Variants in STK11 observed in about 807,000 individuals in gnomAD.
STK11 encodes serine/threonine-protein kinase STK11.
Under a neutral mutation model 47.3 loss-of-function variants are expected in STK11, and 8 were observed. The observed-to-expected ratio is 0.17, with a 90% CI of 0.10 to 0.31. The LOEUF (loss-of-function observed/expected upper bound fraction) is 0.31, where lower values mean the gene tolerates loss of function less well. STK11 is among the 10% of genes least tolerant of loss of function. The pLI is 1.00. For missense variants in STK11, 475 were observed against 605.0 expected, an observed-to-expected ratio of 0.79 and a Z score of 2.25; for synonymous variants, 330 against 255.8, an observed-to-expected ratio of 1.29 and a Z score of -2.77.
chr19:1,215,926 A>G lies in STK11; in HGVS notation c.291-2491A>G, dbSNP rs553644328. On this transcript the variant is annotated intron_variant, in intron 1 of 9. Transcript: ENST00000326873. ...TAATTTTTGTATTTTTAGTAGAGAC[A>G]AGGTTTCACCATGTTGGCCAGGCTG... 5.1e-4 allele frequency among the ~76,000 whole-genome samples: 77 copies of G among 151,866 alleles called. 1 individual carries two copies. The highest frequency in any genetic ancestry group is 1.6e-3 in the African/African-American group (67 of 41,418).
intron 8 of STK11, chr19:1,224,250 G>T: frequency 1.0e-6 from 1 of 985,382 alleles, no homozygotes; most frequent in Non-Finnish European, 1.2e-6. Flanking sequence ...GGCCCCCCAG[G>T]AGGGTACAGC....
At chr19:1,224,936 T>A (rs12985504) in intron 8 of STK11, 1 of 985,176 alleles carries the variant, frequency 1.0e-6, no homozygotes, top group African/African-American at 1.7e-5. Context: ...CCCCCTTGCG[T>A]TGGGGCAGGA....
At chr19:1,208,605 GC>G (rs2080686248) in intron 1 of STK11, among the ~76,000 whole-genome samples, 1 of 109,670 alleles carries the variant, frequency 9.1e-6, no homozygotes, top group Non-Finnish European at 1.7e-5. Context: ...AACGCGTGCG[GC>G]CTTTTTTTTT....
intron 1 of STK11, among the ~76,000 whole-genome samples, chr19:1,209,390 C>T (rs1054230495): frequency 3.3e-5 from 5 of 152,124 alleles, no homozygotes; most frequent in Middle Eastern, 6.8e-3. Context: ...CGAGACCAGC[C>T]TGGCCAACAT....
At chr19:1,224,497 A>G (rs941542534) in intron 8 of STK11, 21 of 985,282 alleles carry the variant, frequency 2.1e-5, no homozygotes, top group Non-Finnish European at 2.4e-5. Flanking sequence ...ACGGGCAGCC[A>G]GGCAAATCCC....
Position 1,221,249 on chromosome 19 carries a change from G to A in STK11, c.771G>A (p.Gly257=), listed in dbSNP as rs777998890. The A allele has an allele frequency of 8.1e-6, 13 of 1,612,560 alleles. No individual in the cohort carries two copies. The highest frequency in any genetic ancestry group is 1.0e-5 in the Non-Finnish European group (12 of 1,179,638). ...CCACGGGTCTGTACCCCTTCGAAGG[G>A]GACAACATCTACAAGTTGTTTGAGA... is the stretch of plus-strand genomic sequence containing the variant. The part of the protein sequence containing the change: ...NITTGLYPFE[G]DNIYKLFENI... Residue 257 remains glycine (G), a synonymous_variant, in exon 6 of 10, where the codon GGG becomes GGA. Coordinates refer to ENST00000326873, the MANE Select transcript of STK11 (RefSeq NM_000455.5).
intron 1 of STK11, among the ~76,000 whole-genome samples, chr19:1,212,990 CTTTT>C (rs35169539): frequency 2.0e-3 from 189 of 94,796 alleles, no homozygotes; most frequent in African/African-American, 7.0e-3. Context: ...TAAAGTTCAC[CTTTT>C]TTTTTTTTTT....
rs903030190 is a variant in STK11, at chr19:1,228,210, G to T, written c.*634G>T. On this transcript the variant is annotated 3_prime_UTR_variant, in exon 10 of 10. Coordinates refer to ENST00000326873, the MANE Select transcript of STK11 (RefSeq NM_000455.5). ...GTCACCCTGCTTTGGCGGCCCGGCCGGAGGGCAGGACCCTCACCTCTCCCC... is the reference window on the plus strand; with the variant it reads ...GTCACCCTGCTTTGGCGGCCCGGCCTGAGGGCAGGACCCTCACCTCTCCCC... 6.5e-6 allele frequency: 6 copies of T among 921,326 alleles called. No individual in the cohort carries two copies. In the Admixed American group the frequency reaches 2.2e-4, roughly 33 times the overall value. The allele number at this position is 921,326 out of a possible 1,614,324, so 57.1% of individuals were successfully genotyped here. A position where few individuals can be genotyped will look rare whatever the true frequency, so the allele number is the denominator to read the frequency against.
At chr19:1,207,656 T>G (rs1038415288) in intron 1 of STK11, among the ~76,000 whole-genome samples, 3 of 152,232 alleles carry the variant, frequency 2.0e-5, no homozygotes, top group African/African-American at 7.2e-5. Flanking sequence ...GAAATGTGAT[T>G]TGTTTATCCT....
intron 8 of STK11, chr19:1,225,196 T>A (rs1278621290): frequency 1.0e-6 from 1 of 985,092 alleles, no homozygotes; most frequent in African/African-American, 1.8e-5. Flanking sequence ...GTCCACAGGG[T>A]CTGCCCCACC....
intron 7 of STK11, 73 bp downstream of exon 7, chr19:1,222,079 C>T (rs1053416933): frequency 1.9e-5 from 29 of 1,517,194 alleles, no homozygotes; most frequent in Admixed American, 1.4e-4. Context: ...GTTGAGCGGG[C>T]GCTAGAGCAG....
At chr19:1,217,747 G>A (rs376764223) in intron 1 of STK11, among the ~76,000 whole-genome samples, 6 of 152,202 alleles carry the variant, frequency 3.9e-5, no homozygotes, top group South Asian at 4.1e-4. Flanking sequence ...CCTTGGCTGC[G>A]TGGGACTGTA....
intron 1 of STK11, among the ~76,000 whole-genome samples, chr19:1,214,912 G>A (rs2080735290): frequency 6.6e-6 from 1 of 152,192 alleles, no homozygotes; most frequent in Non-Finnish European, 1.5e-5. Context: ...AGGCTCTTGG[G>A]GCCTGTGCGT....
intron 5 of STK11, 57 bp downstream of exon 5, chr19:1,220,774 G>C (rs972016124): frequency 1.3e-6 from 2 of 1,545,740 alleles, no homozygotes; most frequent in Non-Finnish European, 1.8e-6. Context: ...GGGCCTCTGC[G>C]TCTTGGGCAG....
chr19:1,223,484 C>T (rs1218768662), intron 8 of STK11, among the ~76,000 whole-genome samples: 5 of 152,262 alleles, frequency 3.3e-5, no homozygotes, highest in Middle Eastern at 3.4e-3. Context: ...CAGGAGCAGG[C>T]GGGGGAGCCC....
chr19:1,209,864 C>CGGAGGCAG (rs1012944842), intron 1 of STK11, among the ~76,000 whole-genome samples: 23 of 152,028 alleles, frequency 1.5e-4, no homozygotes, highest in Admixed American at 3.9e-4. Context: ...GGAGGGAACA[C>CGGAGGCAG]GGAGGCAGGG....
intron 9 of STK11, chr19:1,227,088 G>C (rs1383331953): frequency 5.3e-6 from 1 of 187,122 alleles, no homozygotes; most frequent in Non-Finnish European, 1.1e-5. Flanking sequence ...TGGCTCTGCC[G>C]GGGTGCCGCA....
At chr19:1,213,218 C>T (rs959381983) in intron 1 of STK11, among the ~76,000 whole-genome samples, 7 of 151,558 alleles carry the variant, frequency 4.6e-5, no homozygotes, top group Admixed American at 1.3e-4. Context: ...AGGATGGTCT[C>T]GATCTCCTGA....
rs952738394 is a variant in STK11 at position 1,221,796 on chromosome 19, C to T, written c.863-153C>T. The T allele has an allele frequency of 2.5e-5, 20 of 798,066 alleles. No homozygotes were observed. In the African/African-American group the frequency reaches 3.1e-4, roughly 12 times the overall value. The allele number at this position is 798,066 out of a possible 1,614,324, so 49.4% of individuals were successfully genotyped here. ...CCGGCATGTCCCAGGAGTGGAGTGG[C>T]CTCTGTCAGGGAGACCGCCTGTGCG... On this transcript the variant is annotated intron_variant, in intron 6 of 9. Coordinates refer to ENST00000326873, the MANE Select transcript of STK11 (RefSeq NM_000455.5).
Sources: allele counts gnomAD v4.1 joint callset (sites outside exome capture counted in the v4.1 genomes callset), GRCh38; gene constraint gnomAD v4.1.1; transcripts MANE v1.5; gene names NCBI Gene and HGNC (gene_info 2026-07-23, HGNC 2026-07-21).